Variants in SORD observed in about 807,000 individuals in gnomAD.
The protein encoded by SORD is (R,R)-butanediol dehydrogenase.
A neutral mutation model predicts 35.6 loss-of-function variants in SORD; 18 were observed. The observed-to-expected ratio is 0.51, with a 90% CI of 0.35 to 0.75. The LOEUF is 0.75. Ranked by LOEUF, SORD falls within the 30% of genes least tolerant of loss-of-function variation. The pLI is 0.01. For missense variants in SORD, 250 were observed against 390.2 expected (o/e 0.64, Z 3.03); for synonymous variants, 106 against 152.9 (o/e 0.69, Z 2.26).
intron 3 of SORD, among the ~76,000 whole-genome samples, chr15:45,056,415 A>G (rs1893217833): frequency 6.6e-6 from 1 of 152,142 alleles, no homozygotes; most frequent in Non-Finnish European, 1.5e-5. Flanking sequence ...AATATCTAGG[A>G]ATCCAACTTA....
intron 7 of SORD, among the ~76,000 whole-genome samples, chr15:45,071,832 A>C (rs951994062): frequency 2.9e-5 from 3 of 103,640 alleles, no homozygotes; most frequent in Non-Finnish European, 6.1e-5. Context: ...GCCAGCCTGC[A>C]TGCATGTATG....
rs751206900 is a variant in SORD, at chr15:45,073,546, C to A, written c.*16C>A. 1 of 1,598,440 alleles carries A rather than the reference C, an allele frequency of 6.3e-7. No individual in the cohort carries two copies. The highest frequency in any genetic ancestry group is 1.5e-5 in the African/African-American group (1 of 68,510). On this transcript the variant is annotated 3_prime_UTR_variant, in exon 9 of 9. Coordinates refer to ENST00000267814, the MANE Select transcript of SORD (RefSeq NM_003104.6). ...GAATCCCTGATGTTAATGGGCTCTG[C>A]CCTCATCCCCACAGTCTTGGGATCT...
rs541780357 is a variant in SORD, at chr15:45,068,168, C to G, written c.545-13C>G. On this transcript the variant is annotated splice_polypyrimidine_tract_variant and intron_variant, in intron 5 of 8. Transcript: ENST00000267814. The stretch of plus-strand genomic sequence containing the variant: ...ATATTTCACGAACATATTCCATCTT[C>G]TGCTTTGTTTAGGGCCAATCGGGAT... 4.3e-5 allele frequency: 69 copies of G among 1,610,614 alleles called. No homozygotes were observed. In the South Asian group the frequency reaches 6.4e-4, roughly 15 times the overall value.
chr15:45,069,307 C>T (rs1419000062), intron 7 of SORD, among the ~76,000 whole-genome samples: 5 of 148,112 alleles, frequency 3.4e-5, no homozygotes, highest in East Asian at 2.0e-4. Context: ...CCTGGGTTCA[C>T]GCCATTTTCC....
At chr15:45,053,960 C>T (rs1221616813) in intron 3 of SORD, among the ~76,000 whole-genome samples, 2 of 146,262 alleles carry the variant, frequency 1.4e-5, no homozygotes, top group Admixed American at 6.9e-5. Context: ...CATGTCCCTA[C>T]AAAGGACATG....
intron 3 of SORD, among the ~76,000 whole-genome samples, chr15:45,060,640 GA>G (rs764423315): frequency 6.6e-6 from 1 of 152,190 alleles, no homozygotes; most frequent in Admixed American, 6.5e-5. Flanking sequence ...AACAGATGAA[GA>G]AAAAATGCCC....
intron 1 of SORD, among the ~76,000 whole-genome samples, chr15:45,024,547 T>G (rs1892640669): frequency 6.6e-6 from 1 of 152,044 alleles, no homozygotes; most frequent in Non-Finnish European, 1.5e-5. Context: ...ATGTTCAGAC[T>G]CCCCATTCTA....
At chr15:45,065,692 G>A (rs527280625) in intron 5 of SORD, among the ~76,000 whole-genome samples, 7 of 152,306 alleles carry the variant, frequency 4.6e-5, no homozygotes, top group East Asian at 3.9e-4. Flanking sequence ...AACCAAAGCC[G>A]GTGGATCACC....
chr15:45,031,171 A>G (rs1892779031), intron 1 of SORD, among the ~76,000 whole-genome samples: 1 of 152,220 alleles, frequency 6.6e-6, no homozygotes, highest in Admixed American at 6.5e-5. Context: ...TGTAAAAAGT[A>G]GCCGGGTGTG....
chr15:45,061,252 C>G (rs1893301120), intron 4 of SORD, 26 bp downstream of exon 4: 4 of 1,611,172 alleles, frequency 2.5e-6, no homozygotes, highest in Middle Eastern at 3.3e-4. Flanking sequence ...CCCACTGGGT[C>G]ACCTGGGACC....
chr15:45,054,596 G>C (rs1276236315), intron 3 of SORD, among the ~76,000 whole-genome samples: 3 of 152,074 alleles, frequency 2.0e-5, no homozygotes, highest in East Asian at 1.9e-4. Context: ...TTTGTAGGTT[G>C]CCTGTTCACT....
chr15:45,027,387 G>C (rs1201936520), intron 1 of SORD, among the ~76,000 whole-genome samples: 1 of 152,242 alleles, frequency 6.6e-6, no homozygotes, highest in Admixed American at 6.5e-5. Context: ...CAACTTCCCC[G>C]TGAAATGGGG....
At chr15:45,054,626 C>T (rs1893183389) in intron 3 of SORD, among the ~76,000 whole-genome samples, 1 of 151,954 alleles carries the variant, frequency 6.6e-6, no homozygotes, top group South Asian at 2.1e-4. Context: ...GTTTCTTTTG[C>T]TGTGCAGAAG....
intron 1 of SORD, among the ~76,000 whole-genome samples, chr15:45,038,730 A>G (rs1387221344): frequency 3.3e-5 from 5 of 152,250 alleles, no homozygotes; most frequent in East Asian, 1.9e-4. Flanking sequence ...CACTAAGCAC[A>G]GTGATAGTAC....
Position 45,065,309 on chromosome 15 carries a change from T to A in SORD, c.464T>A (p.Ile155Asn), listed in dbSNP as rs1489533566. ...DNVTFEEGAL[I>N]EPLSVGIHAC... ...GTCACCTTTGAGGAAGGCGCCCTGA[T>A]CGAGCCACTTTCTGTGGGGATCCAT... Residue 155 changes from isoleucine to asparagine, a missense_variant, in exon 5 of 9, where the codon ATC becomes AAC. Physicochemically the swap from Ile to Asn is moderately radical, Grantham distance 149. Around this residue, in one of 8 missense-constraint regions of SORD, gnomAD observed 126 missense variants for 148.7 expected, o/e 0.85. Transcript: ENST00000267814. 6.2e-7 allele frequency: 1 copy of A among 1,614,036 alleles called. No homozygotes were observed.
At chr15:45,049,333 G>T (rs1893092378) in intron 3 of SORD, among the ~76,000 whole-genome samples, 2 of 152,142 alleles carry the variant, frequency 1.3e-5, no homozygotes, top group South Asian at 4.1e-4. Flanking sequence ...GGTGGGGGTT[G>T]TGTGGGGGAC....
At chr15:45,034,996 T>G (rs1595496356) in intron 1 of SORD, among the ~76,000 whole-genome samples, 2 of 151,814 alleles carry the variant, frequency 1.3e-5, no homozygotes, top group Admixed American at 6.6e-5. Context: ...CTGCGGAGGG[T>G]GTGCTGGGTC....
At chr15:45,033,873 T>A (rs1181323757) in intron 1 of SORD, among the ~76,000 whole-genome samples, 2 of 151,818 alleles carry the variant, frequency 1.3e-5, no homozygotes, top group Non-Finnish European at 2.9e-5. Context: ...GAAACTGGCC[T>A]GTTTGGGATA....
At chr15:45,045,318 A>C (rs1410630400) in intron 3 of SORD, among the ~76,000 whole-genome samples, 1 of 152,096 alleles carries the variant, frequency 6.6e-6, no homozygotes. Context: ...TGGGCAGGTC[A>C]CTTGAGGTCA....
Sources: allele counts gnomAD v4.1 joint callset (sites outside exome capture counted in the v4.1 genomes callset), GRCh38; gene constraint gnomAD v4.1.1; regional missense constraint gnomAD v4.1.1; transcripts MANE v1.5; gene names NCBI Gene and HGNC (gene_info 2026-07-23, HGNC 2026-07-21).